The following RALGAPB variants were observed in gnomAD, a reference collection of about 807,000 sequenced individuals.
RALGAPB encodes the protein Ral GTPase activating protein non-catalytic subunit beta, also known as ral GTPase-activating protein subunit beta.
RALGAPB carries 25 observed loss-of-function variants against 161.1 expected under a neutral mutation model. The observed-to-expected ratio is 0.16, with a 90% CI of 0.11 to 0.22. The LOEUF (loss-of-function observed/expected upper bound fraction) is 0.22. Among genes scored for constraint, RALGAPB ranks in the 10% least tolerant of loss-of-function variants. The pLI is 1.00. For missense variants in RALGAPB, 1,391 were observed against 1,815.2 expected, an observed-to-expected ratio of 0.77 and a Z score of 4.25; for synonymous variants, 629 against 626.1, an observed-to-expected ratio of 1.00 and a Z score of -0.07.
At chr20:38,572,185 T>A (rs530224845) in intron 28 of RALGAPB, among the ~76,000 whole-genome samples, 1 of 152,166 alleles carries the variant, frequency 6.6e-6, no homozygotes, top group Non-Finnish European at 1.5e-5. Flanking sequence ...AACGGAAATA[T>A]GTTTCTAAGC....
At chr20:38,531,120 G>A in intron 13 of RALGAPB, 47 bp from the exon 14 acceptor site, 1 of 1,442,610 alleles carries the variant, frequency 6.9e-7, no homozygotes, top group Non-Finnish European at 9.7e-7. Flanking sequence ...ACGCATTTTA[G>A]TGTTCTTGTG....
At chr20:38,501,864 T>C (rs2085606097) in intron 5 of RALGAPB, among the ~76,000 whole-genome samples, 1 of 152,178 alleles carries the variant, frequency 6.6e-6, no homozygotes, top group Admixed American at 6.5e-5. Context: ...CCGTGTATCC[T>C]AGAAATATTG....
chr20:38,560,792 C>T (rs935102006), intron 23 of RALGAPB, among the ~76,000 whole-genome samples: 6 of 152,154 alleles, frequency 3.9e-5, no homozygotes, highest in African/African-American at 1.4e-4. Flanking sequence ...TGTCTAAGAC[C>T]TGCCTTCCCT....
chr20:38,480,898 C>T (rs558953214), intron 1 of RALGAPB, among the ~76,000 whole-genome samples: 11 of 151,818 alleles, frequency 7.2e-5, no homozygotes, highest in East Asian at 3.9e-4. Context: ...CCACCACGCC[C>T]GGCTAATTTT....
At chr20:38,513,861 GAA>G (rs1282109428) in intron 6 of RALGAPB, among the ~76,000 whole-genome samples, 2 of 152,056 alleles carry the variant, frequency 1.3e-5, no homozygotes, top group African/African-American at 4.8e-5. Context: ...ATGTTTTTCT[GAA>G]TTGTCTGTAG....
intron 15 of RALGAPB, among the ~76,000 whole-genome samples, 191 bp downstream of exon 15, chr20:38,533,050 A>G (rs537766106): frequency 1.3e-5 from 2 of 152,258 alleles, no homozygotes; most frequent in East Asian, 1.9e-4. Context: ...TTTGGGTAGT[A>G]TATTAGATTT....
chr20:38,494,239 A>G (rs2085352282), intron 3 of RALGAPB, among the ~76,000 whole-genome samples: 1 of 152,218 alleles, frequency 6.6e-6, no homozygotes, highest in Non-Finnish European at 1.5e-5. Context: ...AGGCTTCCAC[A>G]GTATCTGGTG....
Position 38,576,912 on chromosome 20 carries a change from G to A in RALGAPB, c.*1945G>A, listed in dbSNP as rs1160475075. Reference sequence around the variant, plus strand: ...TCTTCAGATCAAACTTTTACTTTTGGCATAGTTAATTTCAGAAAAATGTGC... The same window carrying A: ...TCTTCAGATCAAACTTTTACTTTTGACATAGTTAATTTCAGAAAAATGTGC... On this transcript the variant is annotated 3_prime_UTR_variant, in exon 30 of 30. Transcript: ENST00000262879. 1 of 152,592 alleles carries A rather than the reference G, an allele frequency of 6.6e-6. No homozygotes were observed. The highest frequency in any genetic ancestry group is 1.5e-5 in the Non-Finnish European group (1 of 68,024). 9.5% of individuals were successfully genotyped at this position (152,592 alleles called of 1,614,324 possible).
chr20:38,477,826 CAAAG>C (rs1464570872), intron 1 of RALGAPB, among the ~76,000 whole-genome samples: 2 of 152,138 alleles, frequency 1.3e-5, no homozygotes, highest in African/African-American at 4.8e-5. Context: ...GAAACTATGA[CAAAG>C]AAATGCCAGG....
At chr20:38,508,797 AT>A (rs2085846869) in intron 5 of RALGAPB, among the ~76,000 whole-genome samples, 1 of 152,180 alleles carries the variant, frequency 6.6e-6, no homozygotes, top group African/African-American at 2.4e-5. Context: ...TGAACGCATA[AT>A]AGTTGTACAT....
chr20:38,489,349 A>T (rs1013526045), intron 2 of RALGAPB, among the ~76,000 whole-genome samples: 1 of 152,020 alleles, frequency 6.6e-6, no homozygotes, highest in Non-Finnish European at 1.5e-5. Flanking sequence ...AGGCTAATTT[A>T]AAAAATTTTT....
At chr20:38,554,341 C>A (rs1412263832) in intron 22 of RALGAPB, among the ~76,000 whole-genome samples, 1 of 152,130 alleles carries the variant, frequency 6.6e-6, no homozygotes, top group African/African-American at 2.4e-5. Flanking sequence ...TCCTAGATAA[C>A]ACAGTACCCA....
At chr20:38,530,913 T>A (rs2086633426) in intron 13 of RALGAPB, among the ~76,000 whole-genome samples, 2 of 151,722 alleles carry the variant, frequency 1.3e-5, no homozygotes, top group South Asian at 4.2e-4. Flanking sequence ...TTTTAATATT[T>A]CTAGGCTATG....
At chr20:38,499,379 A>C in intron 4 of RALGAPB, 68 bp from the exon 5 acceptor site, 6 of 1,359,628 alleles carry the variant, frequency 4.4e-6, no homozygotes, top group Non-Finnish European at 6.0e-6. Flanking sequence ...GTTCTCCCAA[A>C]TCAGTGTCTT....
intron 23 of RALGAPB, among the ~76,000 whole-genome samples, chr20:38,560,177 G>C (rs573814075): frequency 8.8e-4 from 133 of 151,888 alleles, no homozygotes; most frequent in African/African-American, 2.9e-3. Flanking sequence ...TTATAGTGCC[G>C]AACAAAATCT....
chr20:38,474,961 G>C (rs1489685181), intron 1 of RALGAPB, among the ~76,000 whole-genome samples: 1 of 152,104 alleles, frequency 6.6e-6, no homozygotes, highest in African/African-American at 2.4e-5. Context: ...TGTTCTTTTT[G>C]CTTAGGAGTG....
chr20:38,566,916 A>G (rs553927406), intron 25 of RALGAPB, among the ~76,000 whole-genome samples, 180 bp from the exon 26 acceptor site: 1 of 152,252 alleles, frequency 6.6e-6, no homozygotes, highest in Non-Finnish European at 1.5e-5. Flanking sequence ...CTGTATAGCC[A>G]GCAAAGCCTA....
intron 14 of RALGAPB, among the ~76,000 whole-genome samples, chr20:38,532,367 T>C (rs902411087): frequency 1.3e-5 from 2 of 152,160 alleles, no homozygotes; most frequent in African/African-American, 4.8e-5. Flanking sequence ...TTATTCATGC[T>C]TTTTAAGCTT....
At chr20:38,535,772 A>G (rs1402518171) in intron 16 of RALGAPB, among the ~76,000 whole-genome samples, 1 of 152,130 alleles carries the variant, frequency 6.6e-6, no homozygotes, top group African/African-American at 2.4e-5. Context: ...TTTAGTAGAG[A>G]TGGGGTTTCA....
Sources: gnomAD v4.1 joint callset for allele counts (sites outside exome capture counted in the v4.1 genomes callset) on GRCh38, gnomAD v4.1.1 for gene constraint, MANE v1.5 for transcripts, NCBI Gene and HGNC (gene_info 2026-07-23, HGNC 2026-07-21) for gene names.